The following RBM6 variants were observed in gnomAD, a reference collection of about 807,000 sequenced individuals.
RBM6 encodes the protein RNA binding motif protein 6.
Under a neutral mutation model 140.4 loss-of-function variants are expected in RBM6, and 23 were observed. The observed-to-expected ratio is 0.16, with a 90% CI of 0.12 to 0.23. RBM6 has a LOEUF of 0.23. Ranked by LOEUF, RBM6 falls within the 10% of genes least tolerant of loss-of-function variation. The probability of loss-of-function intolerance (pLI) is 1.00; values close to 1 mark genes in which losing one functional copy is unlikely to be tolerated. For synonymous variants in RBM6, 439 were observed against 475.6 expected (o/e 0.92, Z 1.00); for missense variants, 1,139 against 1,386.7 (o/e 0.82, Z 2.84).
chr3:50,049,317 G>T (rs1163598577), intron 7 of RBM6, among the ~76,000 whole-genome samples: 1 of 151,950 alleles, frequency 6.6e-6, no homozygotes, highest in African/African-American at 2.4e-5. Context: ...TCACCATCTT[G>T]GCCAGGCTGG....
intron 8 of RBM6, among the ~76,000 whole-genome samples, chr3:50,056,210 G>A (rs532853273): frequency 6.6e-5 from 10 of 152,092 alleles, no homozygotes; most frequent in Admixed American, 6.5e-4. Flanking sequence ...GTCACTTCAG[G>A]TTAGGCAAAG....
At position 49,944,964 on chromosome 3, in the gene RBM6, C is replaced by T. The variant is rs886359672; in HGVS notation, c.-67+4739C>T. On this transcript the variant is annotated intron_variant, in intron 1 of 20. Coordinates refer to ENST00000266022, the MANE Select transcript of RBM6 (RefSeq NM_005777.3). The stretch of plus-strand genomic sequence containing the variant: ...TGATCTCGGCTCACTCCAAGCTCCG[C>T]CTCCTGGGTTCTTGCCATTCTCCTG... Among the ~76,000 whole-genome samples, 6 of 151,354 alleles carry T rather than the reference C, an allele frequency of 4.0e-5. No homozygotes were observed. In the Admixed American group the frequency reaches 4.0e-4, roughly 10 times the overall value.
intron 1 of RBM6, among the ~76,000 whole-genome samples, chr3:49,954,010 T>G (rs1469861326): frequency 6.6e-6 from 1 of 151,770 alleles, no homozygotes; most frequent in Non-Finnish European, 1.5e-5. Context: ...GTAGTGCACA[T>G]TTGTAGTCCC....
At chr3:50,056,567 T>A (rs1043540082) in intron 8 of RBM6, among the ~76,000 whole-genome samples, 7 of 152,208 alleles carry the variant, frequency 4.6e-5, no homozygotes, top group Non-Finnish European at 8.8e-5. Context: ...GTGCTGGGAT[T>A]ACAGGCGTGA....
intron 5 of RBM6, among the ~76,000 whole-genome samples, chr3:49,996,659 T>C (rs1301640812): frequency 6.6e-6 from 1 of 152,196 alleles, no homozygotes; most frequent in Non-Finnish European, 1.5e-5. Context: ...CTCACAATAG[T>C]TCTGCCATAG....
At chr3:49,969,037 A>G (rs1300518531) in intron 3 of RBM6, among the ~76,000 whole-genome samples, 1 of 139,528 alleles carries the variant, frequency 7.2e-6, no homozygotes, top group African/African-American at 2.7e-5. Flanking sequence ...TTATTTATTT[A>G]TTTTTGAAAC....
At chr3:50,067,048 G>A (rs2090145713) in intron 17 of RBM6, among the ~76,000 whole-genome samples, 1 of 151,608 alleles carries the variant, frequency 6.6e-6, no homozygotes. Context: ...TTACCTGGAT[G>A]TGGTGGCGCA....
chr3:49,940,678 G>A lies in RBM6; in HGVS notation c.-67+453G>A, dbSNP rs553956288. ...GACAGACACAAGGGAGGCTCCGCTG[G>A]ACCGGAGGGCACAAGAGCTCCGAGC... On this transcript the variant is annotated intron_variant, in intron 1 of 20. Transcript: ENST00000266022. 40 of 154,976 alleles carry A rather than the reference G, an allele frequency of 2.6e-4. 1 individual carries two copies. The South Asian group carries it at 7.3e-3, about 28-fold the overall frequency. The allele number at this position is 154,976 out of a possible 1,614,324, so 9.6% of individuals were successfully genotyped here.
At chr3:50,002,505 G>A (rs540346012) in intron 6 of RBM6, among the ~76,000 whole-genome samples, 3 of 151,956 alleles carry the variant, frequency 2.0e-5, no homozygotes, top group East Asian at 2.0e-4. Flanking sequence ...CAGGTGATCC[G>A]ACTGCCTTGG....
At chr3:50,051,936 G>T (rs988593614) in intron 7 of RBM6, among the ~76,000 whole-genome samples, 8 of 152,228 alleles carry the variant, frequency 5.3e-5, no homozygotes, top group African/African-American at 1.4e-4. Flanking sequence ...GGGTAAGAAT[G>T]GGGGAGGTAA....
At chr3:50,057,098 AG>A (rs2089731462) in intron 8 of RBM6, among the ~76,000 whole-genome samples, 1 of 152,216 alleles carries the variant, frequency 6.6e-6, no homozygotes, top group Non-Finnish European at 1.5e-5. Context: ...TATGATAGTC[AG>A]GTTCAAGGTG....
chr3:50,058,204 G>A (rs2089791698), intron 9 of RBM6, among the ~76,000 whole-genome samples, 198 bp from the exon 10 acceptor site: 1 of 152,216 alleles, frequency 6.6e-6, no homozygotes, highest in African/African-American at 2.4e-5. Context: ...ATTGCTATAT[G>A]AATGCAGTAA....
chr3:50,034,519 TGGGA>T (rs1284835945), intron 6 of RBM6, among the ~76,000 whole-genome samples: 1 of 152,016 alleles, frequency 6.6e-6, no homozygotes, highest in Non-Finnish European at 1.5e-5. Context: ...CCCAGCACTT[TGGGA>T]GGCCAAGGCG....
chr3:50,052,220 A>G (rs749515033), intron 7 of RBM6, among the ~76,000 whole-genome samples: 7 of 152,152 alleles, frequency 4.6e-5, no homozygotes, highest in Non-Finnish European at 8.8e-5. Context: ...GTGTGCCACC[A>G]TCCCCAGCTA....
chr3:49,942,285 C>A (rs527816013), intron 1 of RBM6, among the ~76,000 whole-genome samples: 2 of 147,516 alleles, frequency 1.4e-5, no homozygotes, highest in African/African-American at 5.0e-5. Context: ...GTCAGGAGAT[C>A]GAGACCATCC....
intron 3 of RBM6, 83 bp downstream of exon 3, chr3:49,968,831 A>G (rs2084640542): frequency 5.0e-6 from 7 of 1,392,248 alleles, no homozygotes; most frequent in Non-Finnish European, 6.5e-6. Context: ...CCCAGCCTGG[A>G]GTGCAGTGGT....
intron 5 of RBM6, among the ~76,000 whole-genome samples, chr3:49,983,729 T>C (rs1232370197): frequency 1.3e-5 from 2 of 152,186 alleles, no homozygotes; most frequent in Admixed American, 1.3e-4. Context: ...GATACAACCT[T>C]CGGGGAGGAT....
chr3:50,076,225 T>G (rs1163641159), intron 20 of RBM6, among the ~76,000 whole-genome samples: 1 of 149,852 alleles, frequency 6.7e-6, no homozygotes, highest in Non-Finnish European at 1.5e-5. Flanking sequence ...CACCTCAGCC[T>G]CCCAAAGTGT....
intron 6 of RBM6, among the ~76,000 whole-genome samples, chr3:50,036,146 T>G (rs912808171): frequency 6.6e-6 from 1 of 152,192 alleles, no homozygotes; most frequent in African/African-American, 2.4e-5. Flanking sequence ...TTCGCCCACC[T>G]CAGCTCCCAA....
Sources: allele counts gnomAD v4.1 joint callset (sites outside exome capture counted in the v4.1 genomes callset), GRCh38; gene constraint gnomAD v4.1.1; transcripts MANE v1.5; gene names NCBI Gene and HGNC (gene_info 2026-07-23, HGNC 2026-07-21).